Variants in EMP2 observed in about 807,000 individuals in gnomAD.
EMP2 encodes epithelial membrane protein 2.
A neutral mutation model predicts 13.7 loss-of-function variants in EMP2; 19 were observed. The ratio of observed to expected loss-of-function variants is 1.38; its 90% CI spans 0.97 to 2.03. The LOEUF is 2.03. Among genes scored for constraint, EMP2 ranks in the 30% most tolerant of loss-of-function variants. The pLI, the probability that EMP2 is intolerant of heterozygous loss-of-function variation, is 0.00. For synonymous variants in EMP2, 97 were observed against 84.7 expected, an observed-to-expected ratio of 1.15 and a Z score of -0.80; for missense variants, 253 against 220.7, an observed-to-expected ratio of 1.15 and a Z score of -0.93.
chr16:10,539,718 A>G (rs745590667), intron 3 of EMP2, among the ~76,000 whole-genome samples: 7 of 152,124 alleles, frequency 4.6e-5, no homozygotes, highest in Non-Finnish European at 7.3e-5. Context: ...AACTCCATTA[A>G]AAAAAGAAAA....
rs1351119495 is a variant in EMP2, at chr16:10,530,698, C to T, written c.*2207G>A. On this transcript the variant is annotated 3_prime_UTR_variant, in exon 5 of 5. Coordinates refer to ENST00000359543, the MANE Select transcript of EMP2 (RefSeq NM_001424.6). ...CACCTGGAAATCATTCACCCAGACCCTCTGAATCAGCCTGTCCCAAGCAGC... is the reference window on the plus strand; with the variant it reads ...CACCTGGAAATCATTCACCCAGACCTTCTGAATCAGCCTGTCCCAAGCAGC... 6.6e-6 allele frequency: 1 copy of T among 152,420 alleles called. No homozygotes were observed. The highest frequency in any genetic ancestry group is 2.4e-5 in the African/African-American group (1 of 41,434). 9.4% of individuals were successfully genotyped at this position (152,420 alleles called of 1,614,324 possible).
chr16:10,554,740 C>A (rs1174069161), intron 1 of EMP2, among the ~76,000 whole-genome samples: 2 of 152,178 alleles, frequency 1.3e-5, no homozygotes, highest in Non-Finnish European at 2.9e-5. Flanking sequence ...TGCTCTGCTG[C>A]TTTAGGGGAA....
At chr16:10,570,057 T>C (rs2050936423) in intron 1 of EMP2, among the ~76,000 whole-genome samples, 1 of 151,104 alleles carries the variant, frequency 6.6e-6, no homozygotes, top group Non-Finnish European at 1.5e-5. Context: ...ACACTGGGGA[T>C]ACATCGCGAT....
rs1332519879 is a variant in EMP2 at position 10,528,810 on chromosome 16, G to A, written c.*4095C>T. ...ATTAGCGAGTTTAGTAACATCCCGCGAGGCAGATTTTAAACTACGATACAG... is the reference window on the plus strand; with the variant it reads ...ATTAGCGAGTTTAGTAACATCCCGCAAGGCAGATTTTAAACTACGATACAG... On this transcript the variant is annotated 3_prime_UTR_variant, in exon 5 of 5. Transcript: ENST00000359543. 1.3e-5 allele frequency: 2 copies of A among 152,086 alleles called. No individual in the cohort carries two copies. The highest frequency in any genetic ancestry group is 2.4e-5 in the African/African-American group (1 of 41,412). 9.4% of individuals were successfully genotyped at this position (152,086 alleles called of 1,614,324 possible). A position where few individuals can be genotyped will look rare whatever the true frequency, so the allele number is the denominator to read the frequency against.
chr16:10,538,299 T>C (rs950612682), intron 3 of EMP2, among the ~76,000 whole-genome samples: 2 of 152,148 alleles, frequency 1.3e-5, no homozygotes, highest in African/African-American at 4.8e-5. Context: ...CGACCCCTTA[T>C]CTGGAAGACG....
intron 1 of EMP2, among the ~76,000 whole-genome samples, chr16:10,558,535 CACAA>C (rs2050849358): frequency 1.3e-5 from 2 of 151,990 alleles, no homozygotes; most frequent in East Asian, 1.9e-4. Context: ...TGTGGAGAAA[CACAA>C]ACAACCTTCT....
chr16:10,577,602 G>A (rs1045217779), intron 1 of EMP2, among the ~76,000 whole-genome samples: 4 of 152,040 alleles, frequency 2.6e-5, no homozygotes, highest in Non-Finnish European at 5.9e-5. Context: ...TGAGGCCATC[G>A]TCCAAGAGTC....
chr16:10,537,036 G>A (rs1367083864), intron 4 of EMP2, among the ~76,000 whole-genome samples: 1 of 152,130 alleles, frequency 6.6e-6, no homozygotes, highest in Non-Finnish European at 1.5e-5. Flanking sequence ...CCGGGAGGTG[G>A]AGGGCTGGAA....
rs878927571 is a variant in EMP2, at chr16:10,532,758, CTTTTTTTTTT to C, written c.*137_*146del. ...CTTTTGGATTTTTTTTTTCTTTTTTCTTTTTTTTTTTTTTTTTTTTTTTTTTTTGGCTTTT... is the reference window on the plus strand; with the variant it reads ...CTTTTGGATTTTTTTTTTCTTTTTTCTTTTTTTTTTTTTTTTTTGGCTTTT... On this transcript the variant is annotated 3_prime_UTR_variant, in exon 5 of 5. Coordinates refer to ENST00000359543, the MANE Select transcript of EMP2 (RefSeq NM_001424.6). 0.23 allele frequency: 42,624 copies of C among 185,606 alleles called. 9,961 individuals carry two copies. The highest frequency in any genetic ancestry group is 0.54 in the South Asian group (3,202 of 5,954). The allele number at this position is 185,606 out of a possible 1,614,324, so 11.5% of individuals were successfully genotyped here.
intron 1 of EMP2, among the ~76,000 whole-genome samples, chr16:10,574,565 ATT>A: frequency 6.9e-6 from 1 of 145,688 alleles, no homozygotes; most frequent in African/African-American, 2.5e-5. Flanking sequence ...AAAATTATAC[ATT>A]TTTTTTTTTG....
chr16:10,534,009 G>A (rs1359265529), intron 4 of EMP2, among the ~76,000 whole-genome samples: 3 of 151,978 alleles, frequency 2.0e-5, no homozygotes, highest in Non-Finnish European at 4.4e-5. Context: ...CAGCTACTAG[G>A]GAGGCTGAGG....
intron 1 of EMP2, among the ~76,000 whole-genome samples, chr16:10,565,189 C>A (rs1008387647): frequency 1.3e-5 from 2 of 152,132 alleles, no homozygotes; most frequent in Non-Finnish European, 2.9e-5. Flanking sequence ...GAAAAGGATT[C>A]TATGTTACTT....
chr16:10,569,185 C>T (rs776700647), intron 1 of EMP2, among the ~76,000 whole-genome samples: 5 of 152,184 alleles, frequency 3.3e-5, no homozygotes, highest in African/African-American at 1.2e-4. Flanking sequence ...AGTACATGAT[C>T]CAGCAAATGG....
At chr16:10,572,804 T>G (rs571968656) in intron 1 of EMP2, among the ~76,000 whole-genome samples, 1 of 152,310 alleles carries the variant, frequency 6.6e-6, no homozygotes, top group Admixed American at 6.5e-5. Context: ...AGAATGCACC[T>G]GTCACCCCTC....
In EMP2 at chr16:10,543,665, A is replaced by T; in HGVS notation, c.79-5T>A. The T allele has an allele frequency of 6.2e-7, 1 of 1,614,076 alleles. No individual in the cohort carries two copies. Among genetic ancestry groups the T allele is most frequent in the Admixed American group, 1.7e-5 (1 of 60,026 alleles). ...CTCATCTCCTACCCACCAGGCCTGTAACACAAAATGGAAATAGAGAGAAAG... is the reference window on the plus strand; with the variant it reads ...CTCATCTCCTACCCACCAGGCCTGTTACACAAAATGGAAATAGAGAGAAAG... On this transcript the variant is annotated splice_polypyrimidine_tract_variant and splice_region_variant and intron_variant, in intron 2 of 4. Coordinates refer to ENST00000359543, the MANE Select transcript of EMP2 (RefSeq NM_001424.6).
intron 1 of EMP2, among the ~76,000 whole-genome samples, chr16:10,575,402 C>T (rs1293622882): frequency 3.3e-5 from 5 of 151,558 alleles, no homozygotes; most frequent in African/African-American, 7.3e-5. Flanking sequence ...TACAGGCGCC[C>T]GCCACCACAC....
chr16:10,540,917 G>A (rs2050691220), intron 3 of EMP2, among the ~76,000 whole-genome samples: 1 of 152,002 alleles, frequency 6.6e-6, no homozygotes, highest in Non-Finnish European at 1.5e-5. Flanking sequence ...GTAAAACCCT[G>A]TCTCTACAGA....
At chr16:10,549,865 TTC>T (rs2050771319) in intron 1 of EMP2, among the ~76,000 whole-genome samples, 1 of 150,170 alleles carries the variant, frequency 6.7e-6, no homozygotes, top group African/African-American at 2.5e-5. Flanking sequence ...TTCTTTTCTT[TTC>T]TTTTTTTTTC....
At chr16:10,558,366 T>C (rs973188850) in intron 1 of EMP2, among the ~76,000 whole-genome samples, 2 of 152,218 alleles carry the variant, frequency 1.3e-5, no homozygotes, top group South Asian at 2.1e-4. Flanking sequence ...AGAAGGATAG[T>C]GCTCCCAGAA....
Sources: gnomAD v4.1 joint callset for allele counts (sites outside exome capture counted in the v4.1 genomes callset) on GRCh38, gnomAD v4.1.1 for gene constraint, MANE v1.5 for transcripts, NCBI Gene and HGNC (gene_info 2026-07-23, HGNC 2026-07-21) for gene names.